The following SUFU variants were observed in gnomAD, a reference collection of about 807,000 sequenced individuals.
The protein encoded by SUFU is SUFU negative regulator of hedgehog signaling.
A neutral mutation model predicts 58.9 loss-of-function variants in SUFU; 7 were observed. That is an observed-to-expected ratio of 0.12 (90% CI 0.07 to 0.22). SUFU has a LOEUF of 0.22. SUFU is among the 10% of genes least tolerant of loss of function. The probability of loss-of-function intolerance (pLI) is 1.00; values close to 1 mark genes in which losing one functional copy is unlikely to be tolerated. For synonymous variants in SUFU, 232 were observed against 254.8 expected (o/e 0.91, Z 0.85); for missense variants, 451 against 641.3 (o/e 0.70, Z 3.20).
rs541270300 is a variant in SUFU at position 102,628,920 on chromosome 10, C to G, written c.1366-1146C>G. Among the ~76,000 whole-genome samples the G allele has an allele frequency of 6.6e-6, 1 of 152,120 alleles. No individual in the cohort carries two copies. Among genetic ancestry groups the G allele is most frequent in the African/African-American group, 2.4e-5 (1 of 41,432 alleles). On this transcript the variant is annotated intron_variant, in intron 11 of 11. Coordinates refer to ENST00000369902, the MANE Select transcript of SUFU (RefSeq NM_016169.4). The surrounding 1 kb of genome is among the most constrained non-coding windows in gnomAD (Gnocchi z 4.5). ...TCTGTAATCCCAGCACTTTGGGAGG[C>G]CGAGGCAGGTGGATCACCTGAGGTC... is the stretch of plus-strand genomic sequence containing the variant.
Position 102,619,568 on chromosome 10 carries a change from C to A in SUFU, c.1296+2140C>A. 3 of 963,894 alleles carry A rather than the reference C, an allele frequency of 3.1e-6. No individual in the cohort carries two copies. Among genetic ancestry groups the A allele is most frequent in the Non-Finnish European group, 3.8e-6 (3 of 786,580 alleles). The allele number at this position is 963,894 out of a possible 1,614,324, so 59.7% of individuals were successfully genotyped here. A position where few individuals can be genotyped will look rare whatever the true frequency, so the allele number is the denominator to read the frequency against. On this transcript the variant is annotated intron_variant, in intron 10 of 11. Transcript: ENST00000369902. This position sits in a 1 kb window ranked among gnomAD's most constrained non-coding sequence, Gnocchi z 4.2. ...GAGGCCCCACACCCCAAGCACCCAC[C>A]CTTGATCACCGAGGGGTTTCTCAGG...
At chr10:102,534,867 G>C (rs887235005) in intron 2 of SUFU, among the ~76,000 whole-genome samples, 1 of 152,152 alleles carries the variant, frequency 6.6e-6, no homozygotes, top group East Asian at 1.9e-4. Context: ...TCTGGGTCCA[G>C]CTGGGCCTAA....
In SUFU at chr10:102,518,926, T is replaced by A. The variant is rs539428638; in HGVS notation, c.317+9623T>A. Among the ~76,000 whole-genome samples, 4 of 147,766 alleles carry A rather than the reference T, an allele frequency of 2.7e-5. No individual in the cohort carries two copies. In the East Asian group the frequency reaches 8.5e-4, roughly 31 times the overall value. ...AGGCCGAGGCAGGCGGATCATGAGGTCAGGAGATCGAGACCATCCTGGCTA... is the reference window on the plus strand; with the variant it reads ...AGGCCGAGGCAGGCGGATCATGAGGACAGGAGATCGAGACCATCCTGGCTA... On this transcript the variant is annotated intron_variant, in intron 2 of 11. Transcript: ENST00000369902.
chr10:102,526,363 G>A (rs146110254), intron 2 of SUFU, among the ~76,000 whole-genome samples: 6,612 of 152,122 alleles, frequency 0.043, 463 homozygotes, highest in African/African-American at 0.15. Context: ...GAGCAGCCTG[G>A]GCAATGTGGT....
chr10:102,622,503 G>A (rs2063748053), intron 10 of SUFU, among the ~76,000 whole-genome samples: 1 of 152,210 alleles, frequency 6.6e-6, no homozygotes, highest in Non-Finnish European at 1.5e-5. Flanking sequence ...AGCACTTTGG[G>A]AGGCCGAGGC....
At chr10:102,532,751 C>T (rs2062690619) in intron 2 of SUFU, among the ~76,000 whole-genome samples, 1 of 152,082 alleles carries the variant, frequency 6.6e-6, no homozygotes, top group African/African-American at 2.4e-5. Flanking sequence ...CACAGATCTG[C>T]CAGTCCATTC....
intron 5 of SUFU, 129 bp from the exon 6 acceptor site, chr10:102,593,864 C>A: frequency 7.3e-7 from 1 of 1,374,814 alleles, no homozygotes; most frequent in Non-Finnish European, 1.0e-6. Flanking sequence ...GACTCACTCC[C>A]TGACAGTCCC....
chr10:102,513,571 G>A (rs78957748), intron 2 of SUFU, among the ~76,000 whole-genome samples: 6,612 of 152,286 alleles, frequency 0.043, 460 homozygotes, highest in African/African-American at 0.15. Flanking sequence ...AGTAATAAAT[G>A]CTACAGTCCA....
intron 8 of SUFU, among the ~76,000 whole-genome samples, chr10:102,612,264 C>T (rs1471312408): frequency 6.6e-6 from 1 of 151,582 alleles, no homozygotes; most frequent in Non-Finnish European, 1.5e-5. Flanking sequence ...AAGCAGCATG[C>T]CGGAAATACC....
chr10:102,539,927 T>C (rs2062780689), intron 2 of SUFU, among the ~76,000 whole-genome samples: 1 of 152,240 alleles, frequency 6.6e-6, no homozygotes, highest in African/African-American at 2.4e-5. Flanking sequence ...ACAATCAGTG[T>C]GGACTCATAG....
intron 6 of SUFU, 39 bp from the exon 7 acceptor site, chr10:102,597,101 C>G (rs777211568): frequency 6.2e-7 from 1 of 1,613,742 alleles, no homozygotes; most frequent in Non-Finnish European, 8.5e-7. Flanking sequence ...GTCACCAGTT[C>G]TCTGAAAGAA....
At chr10:102,586,752 C>G (rs1173304325) in intron 3 of SUFU, among the ~76,000 whole-genome samples, 3 of 152,190 alleles carry the variant, frequency 2.0e-5, no homozygotes, top group African/African-American at 7.2e-5. Context: ...AGTTCTGTGA[C>G]ATTATTAAGT....
intron 2 of SUFU, among the ~76,000 whole-genome samples, chr10:102,538,709 C>T (rs1235302718): frequency 6.6e-6 from 1 of 152,034 alleles, no homozygotes; most frequent in African/African-American, 2.4e-5. Context: ...AGTCAGTGAA[C>T]CTACGTTGAC....
chr10:102,571,372 A>G (rs2063158566), intron 3 of SUFU, among the ~76,000 whole-genome samples: 1 of 152,142 alleles, frequency 6.6e-6, no homozygotes, highest in African/African-American at 2.4e-5. Flanking sequence ...TTAAAAGTTG[A>G]TGTTTAAGGA....
chr10:102,611,324 C>T (rs1351955907), intron 8 of SUFU, among the ~76,000 whole-genome samples: 1 of 152,246 alleles, frequency 6.6e-6, no homozygotes, highest in Non-Finnish European at 1.5e-5. Flanking sequence ...AGGAAGGCAG[C>T]TTGTGCTCTG....
intron 2 of SUFU, among the ~76,000 whole-genome samples, chr10:102,517,474 C>T (rs1258494777): frequency 6.6e-6 from 1 of 152,140 alleles, no homozygotes; most frequent in African/African-American, 2.4e-5. Context: ...GGATTTTTCC[C>T]TGTTCAGCCC....
At chr10:102,556,525 C>G (rs1485195161) in intron 3 of SUFU, among the ~76,000 whole-genome samples, 1 of 150,498 alleles carries the variant, frequency 6.6e-6, no homozygotes, top group Non-Finnish European at 1.5e-5. Context: ...TGTGGATCAC[C>G]TGAGGTCAGG....
At chr10:102,592,869 G>A in intron 4 of SUFU, 145 bp downstream of exon 4, 1 of 966,818 alleles carries the variant, frequency 1.0e-6, no homozygotes, top group South Asian at 1.4e-5. Context: ...GGTTTGTCAG[G>A]TAGATTCAGA....
rs1344413676 is a variant in SUFU, at chr10:102,577,391, C to T, written c.455-15191C>T. ...TGGAGTCTCACGTCTTACTCTGTCA[C>T]CCAGGAGTGCAGTGGTGTGATCATG... On this transcript the variant is annotated intron_variant, in intron 3 of 11. Transcript: ENST00000369902. Among the ~76,000 whole-genome samples, 3 of 151,948 alleles carry T rather than the reference C, an allele frequency of 2.0e-5. No homozygotes were observed. The South Asian group carries it at 6.2e-4, about 32-fold the overall frequency.
Sources: allele counts gnomAD v4.1 joint callset (sites outside exome capture counted in the v4.1 genomes callset), GRCh38; gene constraint gnomAD v4.1.1; non-coding constraint Gnocchi (gnomAD v3.1); transcripts MANE v1.5; gene names NCBI Gene and HGNC (gene_info 2026-07-23, HGNC 2026-07-21).